Variants in NSMCE2 observed in about 807,000 individuals in gnomAD.
The protein encoded by NSMCE2 is NSE2 SUMO ligase component of SMC5/6 complex, also known as E3 SUMO-protein ligase NSE2.
NSMCE2 carries 24 observed loss-of-function variants against 23.8 expected under a neutral mutation model. The observed-to-expected ratio is 1.01, with a 90% CI of 0.73 to 1.42. The LOEUF (loss-of-function observed/expected upper bound fraction) is 1.42, where lower values mean the gene tolerates loss of function less well. NSMCE2 is among the 40% of genes most tolerant of loss of function. The pLI is 0.00. For synonymous variants in NSMCE2, 92 were observed against 94.1 expected (o/e 0.98, Z 0.13); for missense variants, 284 against 296.5 (o/e 0.96, Z 0.31).
At chr8:125,214,452 C>A (rs953573176) in intron 5 of NSMCE2, among the ~76,000 whole-genome samples, 1 of 152,178 alleles carries the variant, frequency 6.6e-6, no homozygotes, top group Non-Finnish European at 1.5e-5. Flanking sequence ...CATGGGGGCT[C>A]ACGGTCTCAA....
chr8:125,228,222 A>C (rs1039435811), intron 5 of NSMCE2, among the ~76,000 whole-genome samples: 1 of 152,190 alleles, frequency 6.6e-6, no homozygotes, highest in African/African-American at 2.4e-5. Flanking sequence ...AAGTTGAAAT[A>C]AGTGGTGTTT....
intron 3 of NSMCE2, among the ~76,000 whole-genome samples, chr8:125,123,039 G>T (rs1172561995): frequency 6.6e-6 from 1 of 152,078 alleles, no homozygotes; most frequent in East Asian, 1.9e-4. Flanking sequence ...GCTAAGAATG[G>T]GTTAAAATTT....
At chr8:125,177,320 TC>T (rs1010264998) in intron 4 of NSMCE2, among the ~76,000 whole-genome samples, 1 of 152,122 alleles carries the variant, frequency 6.6e-6, no homozygotes, top group African/African-American at 2.4e-5. Context: ...ATCTGTCTGA[TC>T]CCGAGCTCAA....
At chr8:125,179,865 A>T (rs1822713409) in intron 4 of NSMCE2, among the ~76,000 whole-genome samples, 1 of 152,168 alleles carries the variant, frequency 6.6e-6, no homozygotes, top group East Asian at 1.9e-4. Flanking sequence ...TGTGTTAGAG[A>T]CTTTGTTGGA....
At chr8:125,251,836 T>C (rs2131014033) in intron 5 of NSMCE2, among the ~76,000 whole-genome samples, 1 of 152,318 alleles carries the variant, frequency 6.6e-6, no homozygotes, top group East Asian at 1.9e-4. Context: ...AGAGCTGGGA[T>C]TTGAACCTAG....
At chr8:125,342,524 G>A (rs745918001) in intron 5 of NSMCE2, among the ~76,000 whole-genome samples, 12 of 152,126 alleles carry the variant, frequency 7.9e-5, no homozygotes, top group Non-Finnish European at 1.5e-4. Flanking sequence ...GAGGAAGGAA[G>A]GCTTAGAGGC....
At chr8:125,187,724 A>G (rs1428811046) in intron 5 of NSMCE2, among the ~76,000 whole-genome samples, 1 of 152,074 alleles carries the variant, frequency 6.6e-6, no homozygotes, top group East Asian at 1.9e-4. Context: ...GAAAGTTTCT[A>G]AGATTGAGAT....
At position 125,135,524 on chromosome 8, in the gene NSMCE2, A is replaced by G. The variant is rs1433365751; in HGVS notation, c.158-15647A>G. ...GAAATTTTGTAGTTTTAGGTTTTGT[A>G]TTTAAGTCTGTGATTCTTTCTGACT... is the stretch of plus-strand genomic sequence containing the variant. On this transcript the variant is annotated intron_variant, in intron 3 of 7. Transcript: ENST00000287437. 5.9e-5 allele frequency among the ~76,000 whole-genome samples: 9 copies of G among 152,146 alleles called. No individual in the cohort carries two copies. In the South Asian group the frequency reaches 1.9e-3, roughly 32 times the overall value.
intron 5 of NSMCE2, among the ~76,000 whole-genome samples, chr8:125,340,015 T>TTG (rs1554640788): frequency 4.1e-5 from 5 of 122,378 alleles, no homozygotes; most frequent in South Asian, 5.2e-4. Context: ...TTTTTTTGTT[T>TTG]TTTTTTTTTT....
At chr8:125,350,436 G>A (rs1812985260) in intron 5 of NSMCE2, among the ~76,000 whole-genome samples, 1 of 152,224 alleles carries the variant, frequency 6.6e-6, no homozygotes, top group Non-Finnish European at 1.5e-5. Context: ...GAAAAGGCCA[G>A]TGTGCCTTGA....
intron 7 of NSMCE2, among the ~76,000 whole-genome samples, chr8:125,358,061 G>A (rs1370812285): frequency 3.3e-5 from 5 of 152,162 alleles, no homozygotes; most frequent in Non-Finnish European, 7.3e-5. Context: ...GGCCAGGCAG[G>A]GTGGCTCATG....
chr8:125,334,615 A>G (rs1830004066), intron 5 of NSMCE2, among the ~76,000 whole-genome samples: 1 of 152,024 alleles, frequency 6.6e-6, no homozygotes, highest in African/African-American at 2.4e-5. Flanking sequence ...GAATGTAGCA[A>G]GTGTCCATTA....
intron 3 of NSMCE2, among the ~76,000 whole-genome samples, chr8:125,148,239 C>CTTCA (rs896779268): frequency 1.3e-5 from 2 of 152,176 alleles, no homozygotes; most frequent in Non-Finnish European, 2.9e-5. Context: ...TTTCCTTAAG[C>CTTCA]TTCATGCCAT....
intron 5 of NSMCE2, among the ~76,000 whole-genome samples, chr8:125,260,313 A>G (rs185025658): frequency 6.8e-4 from 104 of 152,272 alleles, no homozygotes; most frequent in Non-Finnish European, 1.2e-3. Context: ...TCAGAATGGA[A>G]TCAGGAGGGT....
chr8:125,299,530 T>G (rs1385851005), intron 5 of NSMCE2, among the ~76,000 whole-genome samples: 2 of 152,096 alleles, frequency 1.3e-5, no homozygotes, highest in African/African-American at 4.8e-5. Context: ...AGGAACAGCA[T>G]GGGGGAAACA....
At position 125,195,375 on chromosome 8, in the gene NSMCE2, G is replaced by A. The variant is rs558042296; in HGVS notation, c.418+13119G>A. ...AAGTTGTTTACTAGGCGCTCTAAAC[G>A]ATACAAATCTGACACCAATTCCAGA... is the stretch of plus-strand genomic sequence containing the variant. On this transcript the variant is annotated intron_variant, in intron 5 of 7. Coordinates refer to ENST00000287437, the MANE Select transcript of NSMCE2 (RefSeq NM_173685.4). Among the ~76,000 whole-genome samples, 10 of 152,190 alleles carry A rather than the reference G, an allele frequency of 6.6e-5. No individual in the cohort carries two copies. The East Asian group carries it at 1.7e-3, about 26-fold the overall frequency.
chr8:125,159,086 C>T (rs1821468078), intron 4 of NSMCE2, among the ~76,000 whole-genome samples: 2 of 152,202 alleles, frequency 1.3e-5, no homozygotes, highest in Admixed American at 1.3e-4. Context: ...CTGCTCTGTC[C>T]TGTCTTCATC....
chr8:125,175,300 T>C (rs553968667), intron 4 of NSMCE2, among the ~76,000 whole-genome samples: 16 of 152,292 alleles, frequency 1.1e-4, no homozygotes, highest in African/African-American at 3.8e-4. Flanking sequence ...GTTGAATGAA[T>C]GTTCTAGGAT....
intron 5 of NSMCE2, among the ~76,000 whole-genome samples, chr8:125,194,717 TA>T (rs762971041): frequency 6.6e-6 from 1 of 152,144 alleles, no homozygotes; most frequent in Admixed American, 6.5e-5. Context: ...TATAAAATTT[TA>T]AAAAAAAGAA....
Sources: allele counts gnomAD v4.1 joint callset (sites outside exome capture counted in the v4.1 genomes callset), GRCh38; gene constraint gnomAD v4.1.1; transcripts MANE v1.5; gene names NCBI Gene and HGNC (gene_info 2026-07-23, HGNC 2026-07-21).